CPXM2: variants seen among roughly 807,000 people sequenced by gnomAD.
CPXM2 encodes the protein carboxypeptidase X, M14 family member 2, also known as inactive carboxypeptidase-like protein X2.
CPXM2 carries 66 observed loss-of-function variants against 86.1 expected under a neutral mutation model. The observed-to-expected ratio is 0.77, with a 90% CI of 0.63 to 0.94. CPXM2 has a LOEUF of 0.94. CPXM2 is among the 40% of genes least tolerant of loss of function. The pLI is 0.00. For synonymous variants in CPXM2, 388 were observed against 400.2 expected (o/e 0.97, Z 0.36); for missense variants, 948 against 1,026.3 (o/e 0.92, Z 1.04).
chr10:123,797,916 T>C, intron 6 of CPXM2, 60 bp downstream of exon 6: 3 of 1,452,350 alleles, frequency 2.1e-6, no homozygotes, highest in Non-Finnish European at 2.7e-6. Context: ...TTGTCTTGGC[T>C]GGGCATCTGT....
chr10:123,859,562 T>C (rs1347181552), intron 3 of CPXM2, among the ~76,000 whole-genome samples: 1 of 152,022 alleles, frequency 6.6e-6, no homozygotes, highest in African/African-American at 2.4e-5. Flanking sequence ...GGTACCCGAG[T>C]AGGGTCAGAG....
chr10:123,939,325 T>TGGAAGGCAGGCAGGTTCA (rs1945752217), intron 2 of CPXM2, among the ~76,000 whole-genome samples: 1 of 152,000 alleles, frequency 6.6e-6, no homozygotes, highest in Non-Finnish European at 1.5e-5. Flanking sequence ...GCCCAGCAGG[T>TGGAAGGCAGGCAGGTTCA]GGAAGGCAGG....
chr10:123,887,536 G>T (rs1945198014), intron 1 of CPXM2, among the ~76,000 whole-genome samples: 1 of 152,240 alleles, frequency 6.6e-6, no homozygotes, highest in Admixed American at 6.5e-5. Flanking sequence ...GTATACAACA[G>T]TGACTCCCAT....
intron 13 of CPXM2, among the ~76,000 whole-genome samples, chr10:123,753,255 A>G (rs7904824): frequency 0.93 from 141,917 of 152,246 alleles, 66,363 homozygotes; most frequent in Non-Finnish European, 0.95. Context: ...CCTAGGACAG[A>G]GGTGGGGAGT....
At chr10:123,852,595 C>T (rs1848626349) in intron 3 of CPXM2, among the ~76,000 whole-genome samples, 1 of 152,208 alleles carries the variant, frequency 6.6e-6, no homozygotes, top group Non-Finnish European at 1.5e-5. Flanking sequence ...CTTTCCAGGG[C>T]TCCCCTAATT....
intron 2 of CPXM2, among the ~76,000 whole-genome samples, chr10:123,910,944 G>A (rs911027309): frequency 8.5e-5 from 13 of 152,212 alleles, no homozygotes; most frequent in East Asian, 1.9e-4. Flanking sequence ...TGGGGCCATC[G>A]TGCTGCTATG....
rs573408066 is a variant in CPXM2 at position 123,909,705 on chromosome 10, T to C, written n.175-29396A>G. On this transcript the variant is annotated intron_variant and non_coding_transcript_variant, in intron 2 of 19. Transcript: ENST00000368854. ...GCTAGTAAAAGCTCCCAAAGGAACA[T>C]CTTTCAACAAGTCATAATGCTTTCA... Among the ~76,000 whole-genome samples, 36 of 152,314 alleles carry C rather than the reference T, an allele frequency of 2.4e-4. 3 individuals carry two copies. In the South Asian group the frequency reaches 7.5e-3, roughly 32 times the overall value.
At chr10:123,805,272 G>A (rs958857589) in intron 4 of CPXM2, among the ~76,000 whole-genome samples, 2 of 151,766 alleles carry the variant, frequency 1.3e-5, no homozygotes, top group Non-Finnish European at 2.9e-5. Flanking sequence ...TTTGATTTAC[G>A]ATTCTTTTTA....
At chr10:123,771,277 C>T (rs1466437687) in intron 7 of CPXM2, among the ~76,000 whole-genome samples, 3 of 152,156 alleles carry the variant, frequency 2.0e-5, no homozygotes, top group African/African-American at 4.8e-5. Context: ...TAGGAGGAAA[C>T]TCCTGGCCAT....
intron 2 of CPXM2, among the ~76,000 whole-genome samples, chr10:123,867,687 C>A (rs1300063831): frequency 6.6e-6 from 1 of 152,094 alleles, no homozygotes; most frequent in Non-Finnish European, 1.5e-5. Flanking sequence ...CGCCTGCAAC[C>A]ATGCCCGGCT....
chr10:123,878,313 T>C (rs1419899834), intron 2 of CPXM2, among the ~76,000 whole-genome samples: 1 of 144,188 alleles, frequency 6.9e-6, no homozygotes, highest in African/African-American at 2.5e-5. Context: ...TTTTTTTTTT[T>C]TTTTTTTTTT....
intron 4 of CPXM2, among the ~76,000 whole-genome samples, chr10:123,837,969 G>A (rs58626249): frequency 0.013 from 2,055 of 152,236 alleles, 37 homozygotes; most frequent in African/African-American, 0.047. Context: ...CATGGCATGC[G>A]CCTTGCTGAG....
Position 123,827,679 on chromosome 10 carries a change from C to T in CPXM2, c.653+14670G>A, listed in dbSNP as rs181179252. Among the ~76,000 whole-genome samples, 108 of 152,170 alleles carry T rather than the reference C, an allele frequency of 7.1e-4. 1 individual carries two copies. The highest frequency in any genetic ancestry group is 3.4e-3 in the Middle Eastern group (1 of 294). On this transcript the variant is annotated intron_variant, in intron 4 of 13. Coordinates refer to ENST00000241305, the MANE Select transcript of CPXM2 (RefSeq NM_198148.3). ...GCTTTACTGCAATTCCTACCAAGTT[C>T]CTAGTAAGATGTTTTTGTAGCTATA...
chr10:123,900,064 C>T (rs145646101), intron 2 of CPXM2, among the ~76,000 whole-genome samples: 178 of 152,202 alleles, frequency 1.2e-3, no homozygotes, highest in African/African-American at 4.0e-3. Context: ...TTTTTGGAGA[C>T]GGAGTCTCGC....
At chr10:123,860,458 C>T in intron 3 of CPXM2, among the ~76,000 whole-genome samples, 1 of 152,214 alleles carries the variant, frequency 6.6e-6, no homozygotes, top group African/African-American at 2.4e-5. Context: ...GTGGAATTCC[C>T]AACTGGAGGG....
chr10:123,868,526 G>C (rs1318045990), intron 2 of CPXM2, among the ~76,000 whole-genome samples: 2 of 152,188 alleles, frequency 1.3e-5, no homozygotes, highest in Non-Finnish European at 2.9e-5. Context: ...GACCAAGAGT[G>C]ATCATCAGAG....
Position 123,799,158 on chromosome 10 carries a change from T to A in CPXM2, c.695A>T (p.Asp232Val). 1 of 1,614,180 alleles carries A rather than the reference T, an allele frequency of 6.2e-7. No homozygotes were observed. The highest frequency in any genetic ancestry group is 8.5e-7 in the Non-Finnish European group (1 of 1,180,028). ...VTSYKVMVSN[D>V]SHTWVTVKNG... is the part of the protein sequence containing the mutation. ...CTTAACAGTGACCCACGTGTGGCTGTCATTGCTCACCATGACCTTATAGGA... is the reference window on the plus strand; with the variant it reads ...CTTAACAGTGACCCACGTGTGGCTGACATTGCTCACCATGACCTTATAGGA... The change falls in exon 5 of 14, where the codon GAC becomes GTC. Residue 232 changes from aspartate (D) to valine (V), a missense_variant. Physicochemically the swap from Asp to Val is radical, Grantham distance 152. Transcript: ENST00000241305.
At chr10:123,816,659 A>G (rs557653199) in intron 4 of CPXM2, among the ~76,000 whole-genome samples, 8 of 152,362 alleles carry the variant, frequency 5.3e-5, no homozygotes, top group African/African-American at 1.9e-4. Flanking sequence ...ACTGGTATGC[A>G]GCCATTGACT....
intron 2 of CPXM2, among the ~76,000 whole-genome samples, chr10:123,864,124 G>A (rs939717568): frequency 2.6e-5 from 4 of 151,962 alleles, no homozygotes; most frequent in African/African-American, 7.3e-5. Flanking sequence ...TCTCATCCTC[G>A]TCTCCTGCTC....
Sources: gnomAD v4.1 joint callset for allele counts (sites outside exome capture counted in the v4.1 genomes callset) on GRCh38, gnomAD v4.1.1 for gene constraint, MANE v1.5 for transcripts, NCBI Gene and HGNC (gene_info 2026-07-23, HGNC 2026-07-21) for gene names.